SASH1: variants seen among roughly 807,000 people sequenced by gnomAD.
The protein encoded by SASH1 is SAM and SH3 domain containing 1, also known as SAM and SH3 domain-containing protein 1.
In SASH1, 44 loss-of-function variants were observed where a neutral mutation model predicts 125.2. That is an observed-to-expected ratio of 0.35 (90% CI 0.28 to 0.45). The LOEUF (loss-of-function observed/expected upper bound fraction) is 0.45. Ranked by LOEUF, SASH1 falls within the 20% of genes least tolerant of loss-of-function variation. The pLI is 1.00. For synonymous variants in SASH1, 639 were observed against 649.1 expected (o/e 0.98, Z 0.24); for missense variants, 1,426 against 1,614.5 (o/e 0.88, Z 2.00).
chr6:148,489,887 T>TGTG (rs1562453833), intron 8 of SASH1, among the ~76,000 whole-genome samples: 2 of 144,618 alleles, frequency 1.4e-5, no homozygotes, highest in Non-Finnish European at 3.1e-5. Flanking sequence ...TGTGTGTGTG[T>TGTG]ATAGTGTTAG....
chr6:148,429,898 G>T (rs537848588), intron 2 of SASH1, among the ~76,000 whole-genome samples: 1 of 152,310 alleles, frequency 6.6e-6, no homozygotes, highest in East Asian at 1.9e-4. Context: ...GATTTTGATG[G>T]ATTGTGGTGG....
At chr6:148,321,727 T>C (rs1290002232) in intron 1 of SASH1, among the ~76,000 whole-genome samples, 2 of 152,212 alleles carry the variant, frequency 1.3e-5, no homozygotes, top group Non-Finnish European at 2.9e-5. Context: ...TAAGTATTTA[T>C]TGAACTGAAA....
At chr6:148,487,145 G>A (rs1225160065) in intron 7 of SASH1, among the ~76,000 whole-genome samples, 1 of 143,586 alleles carries the variant, frequency 7.0e-6, no homozygotes, top group African/African-American at 2.6e-5. Context: ...ATGTTTCAGG[G>A]TTTGACCCCA....
chr6:148,292,958 A>G (rs1779672166), intron 1 of SASH1, among the ~76,000 whole-genome samples: 1 of 152,090 alleles, frequency 6.6e-6, no homozygotes, highest in African/African-American at 2.4e-5. Context: ...AGGCTGAGGC[A>G]GGAGAATCAC....
At chr6:148,311,436 A>T (rs556471788) in intron 1 of SASH1, among the ~76,000 whole-genome samples, 3 of 152,288 alleles carry the variant, frequency 2.0e-5, no homozygotes, top group Admixed American at 2.0e-4. Flanking sequence ...AATTAAATAT[A>T]CATGCGAACT....
At chr6:148,330,574 CT>C (rs1780963941) in intron 1 of SASH1, among the ~76,000 whole-genome samples, 1 of 152,002 alleles carries the variant, frequency 6.6e-6, no homozygotes. Flanking sequence ...TAACACATTC[CT>C]TTTTATTTTT....
intron 1 of SASH1, among the ~76,000 whole-genome samples, chr6:148,274,583 G>C (rs1285523800): frequency 1.3e-5 from 2 of 152,206 alleles, no homozygotes; most frequent in Non-Finnish European, 2.9e-5. Flanking sequence ...AACTCAGACA[G>C]AAAGGGGAAT....
chr6:148,251,312 C>T, the SASH1 span, among the ~76,000 whole-genome samples: 2 of 152,112 alleles, frequency 1.3e-5, no homozygotes, highest in Admixed American at 6.5e-5. Context: ...GTTTTGCTCC[C>T]TTTTTGTCCA....
At position 148,440,487 on chromosome 6, in the gene SASH1, G is replaced by GTACAA; in HGVS notation, c.386+80_386+81insTACAA. 6 of 1,162,830 alleles carry GTACAA rather than the reference G, an allele frequency of 5.2e-6. No homozygotes were observed. In the South Asian group the frequency reaches 6.2e-5, roughly 12 times the overall value. 72.0% of individuals were successfully genotyped at this position (1,162,830 alleles called of 1,614,324 possible). On this transcript the variant is annotated intron_variant, in intron 4 of 19. Transcript: ENST00000367467. Reference sequence around the variant, plus strand: ...CCATGCTGACGGAAATCAAACAGGCGATCATGTGCGTATGTACTATGGAGT... The same window carrying GTACAA: ...CCATGCTGACGGAAATCAAACAGGCGTACAAATCATGTGCGTATGTACTATGGAGT...
At chr6:148,447,097 C>G (rs1776829651) in intron 4 of SASH1, among the ~76,000 whole-genome samples, 1 of 152,202 alleles carries the variant, frequency 6.6e-6, no homozygotes, top group Non-Finnish European at 1.5e-5. Context: ...TCTGTAGAGG[C>G]AGGAAGGTCC....
intron 1 of SASH1, among the ~76,000 whole-genome samples, chr6:148,276,116 T>C (rs1426055397): frequency 6.6e-6 from 1 of 152,210 alleles, no homozygotes; most frequent in African/African-American, 2.4e-5. Context: ...GCTCTCTGAT[T>C]TCCAGTTGTG....
chr6:148,244,250 T>A, the SASH1 span, among the ~76,000 whole-genome samples: 1 of 152,146 alleles, frequency 6.6e-6, no homozygotes, highest in Non-Finnish European at 1.5e-5. Flanking sequence ...ATGCTTAGAC[T>A]CCTGGAAGCC....
At chr6:148,356,031 G>C (rs1316309129) in intron 1 of SASH1, among the ~76,000 whole-genome samples, 1 of 149,658 alleles carries the variant, frequency 6.7e-6, no homozygotes. Context: ...CCTCTTCCAC[G>C]CTTCCCCCCA....
intron 1 of SASH1, among the ~76,000 whole-genome samples, chr6:148,274,879 T>G (rs1489125486): frequency 6.6e-6 from 1 of 152,192 alleles, no homozygotes; most frequent in African/African-American, 2.4e-5. Context: ...TCTTTTCCAG[T>G]AACAAACCCA....
At chr6:148,368,768 G>GTGCACACACACACA (rs71797719) in intron 1 of SASH1, among the ~76,000 whole-genome samples, 1 of 70,450 alleles carries the variant, frequency 1.4e-5, no homozygotes, top group Non-Finnish European at 2.9e-5. Context: ...GCGCACGCGC[G>GTGCACACACACACA]CGCACACACA....
At chr6:148,376,525 T>G (rs770417859) in intron 1 of SASH1, among the ~76,000 whole-genome samples, 2 of 152,192 alleles carry the variant, frequency 1.3e-5, no homozygotes, top group Non-Finnish European at 2.9e-5. Context: ...TATATGCATG[T>G]TTTCCGTGGC....
the SASH1 span, among the ~76,000 whole-genome samples, chr6:148,266,460 C>A: frequency 6.6e-6 from 1 of 152,152 alleles, no homozygotes; most frequent in Non-Finnish European, 1.5e-5. Flanking sequence ...TATGACCTAC[C>A]TCACAGAGTC....
At chr6:148,510,611 A>G (rs1427184753) in intron 8 of SASH1, among the ~76,000 whole-genome samples, 2 of 152,054 alleles carry the variant, frequency 1.3e-5, no homozygotes, top group African/African-American at 2.4e-5. Flanking sequence ...TAAAATATAC[A>G]TAGTATTTGA....
rs200897437 is a variant in SASH1 at position 148,481,404 on chromosome 6, T to C, written c.628-6210T>C. Among the ~76,000 whole-genome samples, 162 of 152,318 alleles carry C rather than the reference T, an allele frequency of 1.1e-3. 1 individual carries two copies. The highest frequency in any genetic ancestry group is 3.8e-3 in the African/African-American group (159 of 41,576). On this transcript the variant is annotated intron_variant, in intron 7 of 19. Coordinates refer to ENST00000367467, the MANE Select transcript of SASH1 (RefSeq NM_015278.5). ...CACTTTTCGTTTCCTTTGAGAACTT[T>C]TCCTTTGCATTCCCAACTTAACTGT...
Sources: gnomAD v4.1 joint callset for allele counts (sites outside exome capture counted in the v4.1 genomes callset) on GRCh38, gnomAD v4.1.1 for gene constraint, MANE v1.5 for transcripts, NCBI Gene and HGNC (gene_info 2026-07-23, HGNC 2026-07-21) for gene names.